Variants in EVC observed in about 807,000 individuals in gnomAD.
EVC encodes EvC ciliary complex subunit 1.
Under a neutral mutation model 118.9 loss-of-function variants are expected in EVC, and 116 were observed. The ratio of observed to expected loss-of-function variants is 0.98; its 90% CI spans 0.84 to 1.14. The LOEUF (loss-of-function observed/expected upper bound fraction) is 1.14, where lower values mean the gene tolerates loss of function less well. Among genes scored for constraint, EVC ranks in the 50% most tolerant of loss-of-function variants. The pLI, the probability that EVC is intolerant of heterozygous loss-of-function variation, is 0.00. For missense variants in EVC, 1,401 were observed against 1,246.4 expected, an observed-to-expected ratio of 1.12 and a Z score of -1.87; for synonymous variants, 619 against 534.7, an observed-to-expected ratio of 1.16 and a Z score of -2.18.
At chr4:5,747,934 T>A in intron 7 of EVC, 1 of 589,524 alleles carries the variant, frequency 1.7e-6, no homozygotes, top group Non-Finnish European at 3.1e-6. Flanking sequence ...GAAACACCAT[T>A]GCAAAACTGA....
At chr4:5,777,697 A>G (rs960822703) in intron 11 of EVC, among the ~76,000 whole-genome samples, 1 of 152,184 alleles carries the variant, frequency 6.6e-6, no homozygotes, top group Non-Finnish European at 1.5e-5. Context: ...CAGAAATATA[A>G]TCTCTAAATC....
intron 2 of EVC, 30 bp from the exon 3 acceptor site, chr4:5,729,277 T>C (rs199748764): frequency 1.2e-6 from 2 of 1,608,528 alleles, no homozygotes; most frequent in Admixed American, 3.3e-5. Flanking sequence ...ACAGAAAGTT[T>C]CCCATGCCGT....
At position 5,810,822 on chromosome 4, in the gene EVC, C is replaced by T. The variant is rs926843283; in HGVS notation, c.2895-131C>T. The T allele has an allele frequency of 8.0e-6, 7 of 873,518 alleles. No homozygotes were observed. The East Asian group carries it at 1.9e-4, about 23-fold the overall frequency. The allele number at this position is 873,518 out of a possible 1,614,324, so 54.1% of individuals were successfully genotyped here. ...ACGGGTTTTATTGGTTTCTTAACAA[C>T]CCATGTCAAAGTAAAAATTGTTTTG... is the stretch of plus-strand genomic sequence containing the variant. On this transcript the variant is annotated intron_variant, in intron 20 of 20. Transcript: ENST00000264956.
intron 17 of EVC, among the ~76,000 whole-genome samples, chr4:5,806,040 C>T (rs1006296578): frequency 3.3e-4 from 50 of 151,858 alleles, no homozygotes; most frequent in African/African-American, 1.1e-3. Flanking sequence ...CCCCTCCCAT[C>T]GTCCCGCCGC....
At chr4:5,733,612 T>C (rs1204258747) in intron 5 of EVC, among the ~76,000 whole-genome samples, 177 bp downstream of exon 5, 2 of 152,108 alleles carry the variant, frequency 1.3e-5, no homozygotes, top group Non-Finnish European at 2.9e-5. Context: ...GGAAAAGCAC[T>C]TCACGCCTGT....
At chr4:5,747,006 G>T (rs1447385444) in intron 7 of EVC, among the ~76,000 whole-genome samples, 5 of 152,102 alleles carry the variant, frequency 3.3e-5, no homozygotes, top group African/African-American at 1.2e-4. Flanking sequence ...CAGGTCATCT[G>T]ATGGCTCCAA....
In EVC at chr4:5,756,288, C is replaced by T. The variant is rs1460597472; in HGVS notation, c.1489C>T (p.Gln497Ter). ...LEAFHEVLERQRLMQCDLEEE... is the reference protein window; with the variant it reads ...LEAFHEVLER ...GGCTTTTCATGAGGTCCTGGAGAGG[C>T]AGAGGCTGATGCAGTGTGACCTGGA... is the stretch of plus-strand genomic sequence containing the variant. Residue 497 changes from glutamine (Q) to a stop codon, truncating the protein, a stop_gained, in exon 11 of 21, where the codon CAG becomes TAG. Coordinates refer to ENST00000264956, the MANE Select transcript of EVC (RefSeq NM_153717.3). LOFTEE classifies it high-confidence loss of function. This position sits in a 1 kb window ranked among gnomAD's most constrained non-coding sequence, Gnocchi z 4.2. 19 of 1,612,946 alleles carry T rather than the reference C, an allele frequency of 1.2e-5. No homozygotes were observed. The highest frequency in any genetic ancestry group is 1.7e-5 in the Admixed American group (1 of 59,954).
intron 1 of EVC, among the ~76,000 whole-genome samples, chr4:5,715,739 T>TC (rs57525631): frequency 0.64 from 68,561 of 107,734 alleles, 21,494 homozygotes; most frequent in Middle Eastern, 0.68. Context: ...TTTTCCATTG[T>TC]CTTTTTTTTT....
In EVC at chr4:5,755,064, G is replaced by C. The variant is rs976314906; in HGVS notation, c.1464+1131G>C. Among the ~76,000 whole-genome samples, 1 of 152,098 alleles carries C rather than the reference G, an allele frequency of 6.6e-6. No homozygotes were observed. The highest frequency in any genetic ancestry group is 1.5e-5 in the Non-Finnish European group (1 of 68,016). On this transcript the variant is annotated intron_variant, in intron 10 of 20. Coordinates refer to ENST00000264956, the MANE Select transcript of EVC (RefSeq NM_153717.3). The surrounding 1 kb of genome is among the most constrained non-coding windows in gnomAD (Gnocchi z 4.1). ...GACAGGCCTCTAGGTCCCTGGTCCA[G>C]CTGCCTCCCTCACCCAGGGGGCCTC...
Position 5,756,138 on chromosome 4 carries a change from G to A in EVC, c.1465-126G>A. ...CAGCCCCATGCCTCAGTTTCCTTGT[G>A]TGTAATACAGGTGCCAACATCCTTC... is the stretch of plus-strand genomic sequence containing the variant. On this transcript the variant is annotated intron_variant, in intron 10 of 20. Coordinates refer to ENST00000264956, the MANE Select transcript of EVC (RefSeq NM_153717.3). The surrounding 1 kb of genome is among the most constrained non-coding windows in gnomAD (Gnocchi z 4.2). The A allele has an allele frequency of 6.6e-6, 5 of 754,002 alleles. No homozygotes were observed. In the South Asian group the frequency reaches 7.5e-5, roughly 11 times the overall value. The allele number at this position is 754,002 out of a possible 1,614,324, so 46.7% of individuals were successfully genotyped here.
At chr4:5,781,662 C>A (rs1451657559) in intron 11 of EVC, among the ~76,000 whole-genome samples, 1 of 152,064 alleles carries the variant, frequency 6.6e-6, no homozygotes, top group Non-Finnish European at 1.5e-5. Flanking sequence ...CACAGCAAAA[C>A]CTCATCTCCA....
chr4:5,769,617 C>G (rs1439457443), intron 11 of EVC, among the ~76,000 whole-genome samples: 1 of 152,144 alleles, frequency 6.6e-6, no homozygotes, highest in Non-Finnish European at 1.5e-5. Context: ...CAGCGGGGCT[C>G]TGGGTGGAGT....
At chr4:5,736,633 G>A (rs2151965379) in intron 5 of EVC, among the ~76,000 whole-genome samples, 1 of 151,346 alleles carries the variant, frequency 6.6e-6, no homozygotes, top group African/African-American at 2.4e-5. Context: ...GGTAATTCTT[G>A]CAATATTTCA....
rs936833532 is a variant in EVC, at chr4:5,767,609, G to A, written c.1563+11247G>A. On this transcript the variant is annotated intron_variant, in intron 11 of 20. Coordinates refer to ENST00000264956, the MANE Select transcript of EVC (RefSeq NM_153717.3). ...GTGGGATATAATCTCCTGGTGAGCC[G>A]TTTTTTAAGCCCGTCGGAAAAGCAC... 5.9e-5 allele frequency among the ~76,000 whole-genome samples: 9 copies of A among 151,862 alleles called. No homozygotes were observed. In the South Asian group the frequency reaches 1.1e-3, roughly 18 times the overall value.
In EVC at chr4:5,742,162, T is replaced by C. The variant is rs554035012; in HGVS notation, c.801+348T>C. 1.2e-4 allele frequency among the ~76,000 whole-genome samples: 18 copies of C among 152,284 alleles called. No individual in the cohort carries two copies. The South Asian group carries it at 2.7e-3, about 23-fold the overall frequency. On this transcript the variant is annotated intron_variant, in intron 6 of 20. Transcript: ENST00000264956. The surrounding 1 kb of genome is among the most constrained non-coding windows in gnomAD (Gnocchi z 5.2). ...TACTTTGTATTCTATTCTCAGTCTT[T>C]TATGGAAAGTTTATTTTGTCTCAGG...
the EVC span, among the ~76,000 whole-genome samples, chr4:5,819,922 G>C: frequency 1.3e-5 from 2 of 152,174 alleles, no homozygotes; most frequent in Admixed American, 6.5e-5. Context: ...GCCGAGGAGC[G>C]GGGGAGGAGA....
rs977798380 is a variant in EVC, at chr4:5,811,472, A to C, written c.*435A>C. ...AAATGTATTCTCTGAGGACACTTAG[A>C]ATATGAGGAAGAGGGTGTGGCCCAA... is the stretch of plus-strand genomic sequence containing the variant. On this transcript the variant is annotated 3_prime_UTR_variant, in exon 21 of 21. Coordinates refer to ENST00000264956, the MANE Select transcript of EVC (RefSeq NM_153717.3). The C allele has an allele frequency of 4.3e-6, 1 of 235,246 alleles. No homozygotes were observed. Among genetic ancestry groups the C allele is most frequent in the Non-Finnish European group, 8.4e-6 (1 of 119,178 alleles). The allele number at this position is 235,246 out of a possible 1,614,324, so 14.6% of individuals were successfully genotyped here.
Position 5,812,151 on chromosome 4 carries a change from C to G in EVC, c.*1114C>G, listed in dbSNP as rs1452980679. The G allele has an allele frequency of 6.9e-6, 1 of 144,944 alleles. No individual in the cohort carries two copies. The highest frequency in any genetic ancestry group is 2.8e-5 in the African/African-American group (1 of 35,816). 9.0% of individuals were successfully genotyped at this position (144,944 alleles called of 1,614,324 possible). ...GAAACTTCCAGACCAGCCCCTCATA[C>G]CACAGCCAAGAGGGGCCTTTCTCAC... On this transcript the variant is annotated 3_prime_UTR_variant, in exon 21 of 21. Transcript: ENST00000264956.
Position 5,791,288 on chromosome 4 carries a change from G to A in EVC, c.1777-2320G>A, listed in dbSNP as rs573053406. On this transcript the variant is annotated intron_variant, in intron 12 of 20. Coordinates refer to ENST00000264956, the MANE Select transcript of EVC (RefSeq NM_153717.3). ...GAAGAAGAGACATGGAGAATAGGAT[G>A]ACAAAATCCTATAGGAGTAGAAGGT... is the stretch of plus-strand genomic sequence containing the variant. Among the ~76,000 whole-genome samples the A allele has an allele frequency of 1.4e-4, 22 of 152,214 alleles. No homozygotes were observed. The South Asian group carries it at 4.6e-3, about 32-fold the overall frequency.
Sources: gnomAD v4.1 joint callset for allele counts (sites outside exome capture counted in the v4.1 genomes callset) on GRCh38, gnomAD v4.1.1 for gene constraint, Gnocchi (gnomAD v3.1) non-coding constraint, MANE v1.5 for transcripts, NCBI Gene and HGNC (gene_info 2026-07-23, HGNC 2026-07-21) for gene names.